ADAMTS14: variants seen among roughly 807,000 people sequenced by gnomAD.
The protein encoded by ADAMTS14 is A disintegrin and metalloproteinase with thrombospondin motifs 14.
A neutral mutation model predicts 128.6 loss-of-function variants in ADAMTS14; 100 were observed. That is an observed-to-expected ratio of 0.78 (90% confidence interval 0.66 to 0.92). The LOEUF is 0.92. ADAMTS14 is among the 40% of genes least tolerant of loss of function. ADAMTS14 has a pLI of 0.00. For missense variants in ADAMTS14, 1,562 were observed against 1,658.6 expected (o/e 0.94, Z 1.01); for synonymous variants, 665 against 653.8 (o/e 1.02, Z -0.26).
At chr10:70,738,805 A>AGCC (rs770898411) in intron 10 of ADAMTS14, 37 bp from the exon 11 acceptor site, 3 of 1,612,868 alleles carry the variant, frequency 1.9e-6, no homozygotes, top group Admixed American at 1.7e-5. Context: ...CAGCAGCAGC[A>AGCC]GCCCAGGGTG....
Position 70,679,740 on chromosome 10 carries a change from C to A in ADAMTS14, c.522+4745C>A, listed in dbSNP as rs74141824. Among the ~76,000 whole-genome samples the A allele has an allele frequency of 4.6e-3, 695 of 152,336 alleles. 16 individuals carry two copies. The highest frequency in any genetic ancestry group is 6.0e-3 in the Non-Finnish European group (410 of 68,036). On this transcript the variant is annotated intron_variant, in intron 2 of 21. Transcript: ENST00000373207. ...AGGGCCTGGCGCGGAAGCAGCCACA[C>A]GTGTAAGATTTGTCACCATCTGGTT... is the stretch of plus-strand genomic sequence containing the variant.
chr10:70,749,316 G>A (rs1487790004), intron 15 of ADAMTS14, among the ~76,000 whole-genome samples: 1 of 152,158 alleles, frequency 6.6e-6, no homozygotes, highest in African/African-American at 2.4e-5. Context: ...CTGCGAACTG[G>A]GTACAATGAT....
At chr10:70,711,726 C>T (rs1443885639) in intron 4 of ADAMTS14, among the ~76,000 whole-genome samples, 1 of 151,284 alleles carries the variant, frequency 6.6e-6, no homozygotes, top group East Asian at 2.0e-4. Flanking sequence ...TTTTTAGGAA[C>T]CCCAACAGCA....
At chr10:70,696,593 G>A (rs2132579901) in intron 2 of ADAMTS14, among the ~76,000 whole-genome samples, 1 of 152,266 alleles carries the variant, frequency 6.6e-6, no homozygotes, top group East Asian at 1.9e-4. Context: ...GTGGGTGAGA[G>A]AGTATGGGTG....
chr10:70,748,633 G>A (rs1470982342), intron 15 of ADAMTS14, among the ~76,000 whole-genome samples: 1 of 152,246 alleles, frequency 6.6e-6, no homozygotes, highest in African/African-American at 2.4e-5. Flanking sequence ...GTGTCTAGGA[G>A]TCTCCAATTC....
intron 4 of ADAMTS14, among the ~76,000 whole-genome samples, chr10:70,727,476 C>A (rs1301327692): frequency 2.6e-5 from 4 of 152,220 alleles, no homozygotes; most frequent in African/African-American, 9.6e-5. Context: ...TCCTAGGAAG[C>A]CATGTGGGCA....
intron 6 of ADAMTS14, among the ~76,000 whole-genome samples, chr10:70,731,245 A>C (rs1379650532): frequency 2.7e-5 from 4 of 150,558 alleles, no homozygotes; most frequent in Non-Finnish European, 6.0e-5. Flanking sequence ...AGACACAAAG[A>C]CACATGTACA....
intron 9 of ADAMTS14, among the ~76,000 whole-genome samples, chr10:70,735,863 G>C (rs574274454): frequency 6.6e-6 from 1 of 152,340 alleles, no homozygotes; most frequent in South Asian, 2.1e-4. Context: ...CTGCCACCCA[G>C]GGCCCAGGCT....
chr10:70,696,489 A>C (rs1840335732), intron 2 of ADAMTS14, among the ~76,000 whole-genome samples: 1 of 152,074 alleles, frequency 6.6e-6, no homozygotes, highest in African/African-American at 2.4e-5. Flanking sequence ...TTCAAGTGAG[A>C]ACAGTAGGCA....
intron 12 of ADAMTS14, among the ~76,000 whole-genome samples, chr10:70,741,431 CTT>C (rs1219738529): frequency 6.6e-6 from 1 of 152,224 alleles, no homozygotes; most frequent in African/African-American, 2.4e-5. Context: ...AGGAAAGTGT[CTT>C]GAGGAAGGGA....
Position 70,744,126 on chromosome 10 carries a change from G to A in ADAMTS14, c.2119G>A (p.Gly707Arg), listed in dbSNP as rs753456555. The part of the protein sequence containing the change: ...MKADDKCGVC[G>R]GDNSHCRTVK... Reference sequence around the variant, plus strand: ...GGCGGATGACAAGTGTGGAGTCTGCGGGGGTGACAACTCCCACTGCAGGAC... The same window carrying A: ...GGCGGATGACAAGTGTGGAGTCTGCAGGGGTGACAACTCCCACTGCAGGAC... The change falls in exon 14 of 22, where the codon GGG becomes AGG. Residue 707 changes from glycine (G) to arginine (R), a missense_variant. Physicochemically the swap from Gly to Arg is moderately radical, Grantham distance 125. Transcript: ENST00000373207. 2.0e-5 allele frequency: 31 copies of A among 1,561,868 alleles called. No individual in the cohort carries two copies. Among genetic ancestry groups the A allele is most frequent in the East Asian group, 2.4e-5 (1 of 41,700 alleles).
Position 70,721,238 on chromosome 10 carries a change from T to A in ADAMTS14, c.871-8056T>A, listed in dbSNP as rs570955949. On this transcript the variant is annotated intron_variant, in intron 4 of 21. Coordinates refer to ENST00000373207, the MANE Select transcript of ADAMTS14 (RefSeq NM_080722.4). The stretch of plus-strand genomic sequence containing the variant: ...CGGGGTTTCACCATGTTGGTAAGGC[T>A]GGTCTCCAACTCCTGACCTTGTGAT... Among the ~76,000 whole-genome samples, 97 of 152,082 alleles carry A rather than the reference T, an allele frequency of 6.4e-4. 2 individuals are homozygous for A. Among genetic ancestry groups the A allele is most frequent in the African/African-American group, 2.3e-3 (95 of 41,480 alleles).
Position 70,752,232 on chromosome 10 carries a change from G to A in ADAMTS14, c.2729+5G>A, listed in dbSNP as rs768484532. The A allele has an allele frequency of 3.1e-6, 5 of 1,613,292 alleles. No homozygotes were observed. In the African/African-American group the frequency reaches 4.0e-5, roughly 13 times the overall value. On this transcript the variant is annotated splice_donor_5th_base_variant and intron_variant, in intron 18 of 21. Transcript: ENST00000373207. ...GCACCCGTGCTCTCAGCCTGTGTGA[G>A]TGCTCCCAGGGAGGGACGGGGAGTC... is the stretch of plus-strand genomic sequence containing the variant.
intron 3 of ADAMTS14, among the ~76,000 whole-genome samples, chr10:70,703,701 C>T (rs1197679815): frequency 6.6e-6 from 1 of 152,190 alleles, no homozygotes; most frequent in African/African-American, 2.4e-5. Context: ...TGGGGAAGTC[C>T]AGCTCCAGAG....
Position 70,672,798 on chromosome 10 carries a change from G to A in ADAMTS14, c.-5G>A. On this transcript the variant is annotated 5_prime_UTR_variant, in exon 1 of 22. Transcript: ENST00000373207. Reference sequence around the variant, plus strand: ...CTTGCCCAGCCCGCGTCCCAGCGCGGCCACATGGCTCCACTCCGCGCGCTG... The same window carrying A: ...CTTGCCCAGCCCGCGTCCCAGCGCGACCACATGGCTCCACTCCGCGCGCTG... The A allele has an allele frequency of 1.3e-6, 2 of 1,503,036 alleles. No homozygotes were observed. Among genetic ancestry groups the A allele is most frequent in the Admixed American group, 2.2e-5 (1 of 46,258 alleles). 93.1% of individuals were successfully genotyped at this position (1,503,036 alleles called of 1,614,324 possible).
chr10:70,753,610 A>T (rs963274980), intron 18 of ADAMTS14, among the ~76,000 whole-genome samples, 190 bp from the exon 19 acceptor site: 1 of 152,186 alleles, frequency 6.6e-6, no homozygotes, highest in Non-Finnish European at 1.5e-5. Flanking sequence ...AGCAGGAGAG[A>T]AGAGTGCCCT....
chr10:70,738,647 T>C (rs1489309179), intron 10 of ADAMTS14, among the ~76,000 whole-genome samples, 195 bp from the exon 11 acceptor site: 1 of 152,204 alleles, frequency 6.6e-6, no homozygotes, highest in East Asian at 1.9e-4. Context: ...TATGAGCAGG[T>C]GCAGTTACCC....
chr10:70,743,204 G>T (rs192480587), intron 12 of ADAMTS14, among the ~76,000 whole-genome samples: 1 of 152,290 alleles, frequency 6.6e-6, no homozygotes, highest in Non-Finnish European at 1.5e-5. Context: ...TATTTTAAGG[G>T]CATGTGAAGG....
At chr10:70,702,543 A>C (rs1454264937) in intron 3 of ADAMTS14, 75 bp downstream of exon 3, 2 of 1,518,118 alleles carry the variant, frequency 1.3e-6, no homozygotes, top group African/African-American at 2.8e-5. Flanking sequence ...TTCTGTCCTT[A>C]AGCTGTCCAT....
Sources: gnomAD v4.1 joint callset for allele counts (sites outside exome capture counted in the v4.1 genomes callset) on GRCh38, gnomAD v4.1.1 for gene constraint, MANE v1.5 for transcripts, NCBI Gene and HGNC (gene_info 2026-07-23, HGNC 2026-07-21) for gene names.